Variants in DLG2 observed in about 807,000 individuals in gnomAD.
The protein encoded by DLG2 is disks large homolog 2.
A neutral mutation model predicts 132.5 loss-of-function variants in DLG2; 45 were observed. That is an observed-to-expected ratio of 0.34 (90% CI 0.27 to 0.44). The LOEUF (loss-of-function observed/expected upper bound fraction) is 0.44, where lower values mean the gene tolerates loss of function less well. Ranked by LOEUF, DLG2 falls within the 20% of genes least tolerant of loss-of-function variation. The probability of loss-of-function intolerance (pLI) is 1.00; values close to 1 mark genes in which losing one functional copy is unlikely to be tolerated. For missense variants in DLG2, 1,045 were observed against 1,196.9 expected, an observed-to-expected ratio of 0.87 and a Z score of 1.87; for synonymous variants, 424 against 419.6, an observed-to-expected ratio of 1.01 and a Z score of -0.13.
intron 18 of DLG2, among the ~76,000 whole-genome samples, chr11:83,709,975 CT>C (rs754810688): frequency 2.0e-5 from 3 of 152,104 alleles, no homozygotes; most frequent in Non-Finnish European, 2.9e-5. Flanking sequence ...GTGTGTCTCA[CT>C]GTTGTGGGTG....
intron 7 of DLG2, among the ~76,000 whole-genome samples, chr11:84,436,518 A>G (rs1220420874): frequency 6.6e-6 from 1 of 152,198 alleles, no homozygotes; most frequent in Non-Finnish European, 1.5e-5. Flanking sequence ...GGAATATGAA[A>G]AATCTGTTTC....
intron 3 of DLG2, among the ~76,000 whole-genome samples, chr11:85,451,203 T>C (rs1225354652): frequency 6.6e-6 from 1 of 152,192 alleles, no homozygotes. Context: ...CTAGCCTTGA[T>C]AACTTCTTCA....
chr11:85,346,425 T>C (rs1311735126), intron 3 of DLG2, among the ~76,000 whole-genome samples: 1 of 152,092 alleles, frequency 6.6e-6, no homozygotes, highest in Non-Finnish European at 1.5e-5. Context: ...CCTGACCTCG[T>C]GATCTGCCCG....
At chr11:83,637,237 TC>T (rs1223782027) in intron 18 of DLG2, among the ~76,000 whole-genome samples, 1 of 152,186 alleles carries the variant, frequency 6.6e-6, no homozygotes, top group East Asian at 1.9e-4. Context: ...TCTCTCTTCC[TC>T]AAATGTTTTA....
rs534616350 is a variant in DLG2 at position 85,388,378 on chromosome 11, A to G, written c.41-103013T>C. 4.7e-4 allele frequency among the ~76,000 whole-genome samples: 72 copies of G among 152,230 alleles called. 2 individuals carry two copies. Among genetic ancestry groups the G allele is most frequent in the African/African-American group, 1.6e-3 (66 of 41,544 alleles). ...TCTTTCTCTACCTGCCCTGGCAGCC[A>G]AAGACAAAGGACATATCTCTTGGGA... is the stretch of plus-strand genomic sequence containing the variant. On this transcript the variant is annotated intron_variant, in intron 3 of 27. Coordinates refer to ENST00000376104, the MANE Select transcript of DLG2 (RefSeq NM_001142699.3).
intron 11 of DLG2, among the ~76,000 whole-genome samples, chr11:84,032,658 C>G (rs1685604900): frequency 6.6e-6 from 1 of 152,150 alleles, no homozygotes; most frequent in African/African-American, 2.4e-5. Flanking sequence ...TATTAAACAA[C>G]AGATTTTCGA....
chr11:84,481,974 A>G (rs527356187), intron 7 of DLG2, among the ~76,000 whole-genome samples: 1 of 152,308 alleles, frequency 6.6e-6, no homozygotes, highest in Non-Finnish European at 1.5e-5. Context: ...CCTTTCTCCG[A>G]TATCTTTACT....
intron 6 of DLG2, among the ~76,000 whole-genome samples, chr11:84,749,908 G>T (rs1432296962): frequency 6.6e-6 from 1 of 152,108 alleles, no homozygotes; most frequent in Non-Finnish European, 1.5e-5. Flanking sequence ...GTAAGGCAGA[G>T]ATTATTGCCT....
chr11:85,138,172 T>A (rs1451713805), intron 5 of DLG2, among the ~76,000 whole-genome samples: 1 of 152,312 alleles, frequency 6.6e-6, no homozygotes, highest in South Asian at 2.1e-4. Flanking sequence ...GTTTTTCTCA[T>A]GTGAGTTGGA....
At chr11:84,308,589 C>T (rs986272133) in intron 7 of DLG2, among the ~76,000 whole-genome samples, 4 of 152,178 alleles carry the variant, frequency 2.6e-5, no homozygotes, top group Non-Finnish European at 5.9e-5. Context: ...GACTGGGTGC[C>T]GTGGAGCAGG....
At chr11:84,960,000 T>A (rs913683974) in intron 6 of DLG2, among the ~76,000 whole-genome samples, 6 of 152,210 alleles carry the variant, frequency 3.9e-5, no homozygotes, top group African/African-American at 1.4e-4. Flanking sequence ...AGAATTAGCA[T>A]ATAATAAATA....
At chr11:83,731,251 T>C (rs113815571) in intron 18 of DLG2, among the ~76,000 whole-genome samples, 2,111 of 152,274 alleles carry the variant, frequency 0.014, 56 homozygotes, top group African/African-American at 0.049. Flanking sequence ...AAGCCCCTCA[T>C]GCATTAGCTA....
intron 6 of DLG2, among the ~76,000 whole-genome samples, chr11:84,966,642 T>C (rs1404506208): frequency 6.6e-6 from 1 of 152,258 alleles, no homozygotes; most frequent in East Asian, 1.9e-4. Context: ...AAGGCAACTT[T>C]GGTGACAGAC....
intron 7 of DLG2, among the ~76,000 whole-genome samples, chr11:84,495,825 T>C (rs2099181403): frequency 6.6e-6 from 1 of 152,112 alleles, no homozygotes; most frequent in Non-Finnish European, 1.5e-5. Flanking sequence ...TGGTACACAA[T>C]AGGTGATCCA....
intron 6 of DLG2, among the ~76,000 whole-genome samples, chr11:85,089,902 A>G (rs2068501076): frequency 6.6e-6 from 1 of 152,196 alleles, no homozygotes; most frequent in South Asian, 2.1e-4. Context: ...CAGGATGGCT[A>G]TTATTAAAAA....
chr11:84,156,202 A>G (rs925328297), intron 9 of DLG2, among the ~76,000 whole-genome samples: 1 of 152,186 alleles, frequency 6.6e-6, no homozygotes, highest in Non-Finnish European at 1.5e-5. Flanking sequence ...CCGCTCAGCC[A>G]TAGACAACTT....
At chr11:84,879,422 T>C (rs2086930506) in intron 6 of DLG2, among the ~76,000 whole-genome samples, 1 of 152,102 alleles carries the variant, frequency 6.6e-6, no homozygotes. Flanking sequence ...TTTACAAAAC[T>C]ATAGGTTGGA....
chr11:83,512,513 T>C (rs2095082337), intron 21 of DLG2, among the ~76,000 whole-genome samples: 1 of 152,146 alleles, frequency 6.6e-6, no homozygotes. Context: ...TTTATTTAAT[T>C]ATTGCATCAT....
chr11:84,837,796 C>T (rs774977942), intron 6 of DLG2, among the ~76,000 whole-genome samples: 16 of 151,716 alleles, frequency 1.1e-4, no homozygotes, highest in Non-Finnish European at 1.8e-4. Flanking sequence ...ACACTCATTC[C>T]GCAATCTCCA....
Sources: allele counts gnomAD v4.1 joint callset (sites outside exome capture counted in the v4.1 genomes callset), GRCh38; gene constraint gnomAD v4.1.1; transcripts MANE v1.5; gene names NCBI Gene and HGNC (gene_info 2026-07-23, HGNC 2026-07-21).